Variants in ROR2 observed in about 807,000 individuals in gnomAD.
The protein encoded by ROR2 is ROR family WNT receptor 2.
In ROR2, 33 loss-of-function variants were observed where a neutral mutation model predicts 74.9. The ratio of observed to expected loss-of-function variants is 0.44; its 90% CI spans 0.33 to 0.59. The LOEUF (loss-of-function observed/expected upper bound fraction) is 0.59. Ranked by LOEUF, ROR2 falls within the 20% of genes least tolerant of loss-of-function variation. ROR2 has a pLI of 0.02. For missense variants in ROR2, 1,216 were observed against 1,313.8 expected (o/e 0.93, Z 1.15); for synonymous variants, 586 against 558.7 (o/e 1.05, Z -0.69).
chr9:91,933,169 A>T (rs566909497), intron 1 of ROR2, among the ~76,000 whole-genome samples: 1 of 152,240 alleles, frequency 6.6e-6, no homozygotes, highest in South Asian at 2.1e-4. Flanking sequence ...AAAAAAAATT[A>T]GCCGGGCATG....
intron 8 of ROR2, 93 bp downstream of exon 8, chr9:91,726,448 C>T: frequency 8.4e-7 from 1 of 1,183,574 alleles, no homozygotes; most frequent in Admixed American, 1.7e-5. Flanking sequence ...TGCTATGTAT[C>T]AAGTAAATTA....
chr9:91,835,420 G>T (rs979836190), intron 1 of ROR2, among the ~76,000 whole-genome samples: 1 of 152,066 alleles, frequency 6.6e-6, no homozygotes, highest in African/African-American at 2.4e-5. Flanking sequence ...ACTGCCCCCA[G>T]CCCTCATTCC....
At chr9:91,725,482 C>T (rs1242015136) in intron 8 of ROR2, among the ~76,000 whole-genome samples, 1 of 152,192 alleles carries the variant, frequency 6.6e-6, no homozygotes, top group African/African-American at 2.4e-5. Context: ...CGGACATACC[C>T]TGCCAGGTTC....
chr9:91,906,843 A>C (rs12685595), intron 1 of ROR2, among the ~76,000 whole-genome samples: 87,857 of 152,022 alleles, frequency 0.58, 27,994 homozygotes, highest in African/African-American at 0.86. Context: ...TAGAGCGCCT[A>C]GAACTCAGTG....
rs753250401 is a variant in ROR2, at chr9:91,722,659, T to C, written c.*1003A>G. ...TGGGATTTACAAATAGGACCAACAA[T>C]GTGTGCGGGGCACAGACGGCTGCCT... On this transcript the variant is annotated 3_prime_UTR_variant, in exon 9 of 9. Transcript: ENST00000375708. 11 of 779,046 alleles carry C rather than the reference T, an allele frequency of 1.4e-5. No individual in the cohort carries two copies. Among genetic ancestry groups the C allele is most frequent in the Non-Finnish European group, 2.6e-5 (11 of 417,750 alleles). 48.3% of individuals were successfully genotyped at this position (779,046 alleles called of 1,614,324 possible). A position where few individuals can be genotyped will look rare whatever the true frequency, so the allele number is the denominator to read the frequency against.
At chr9:91,767,231 C>G (rs1011642036) in intron 2 of ROR2, among the ~76,000 whole-genome samples, 1 of 152,066 alleles carries the variant, frequency 6.6e-6, no homozygotes, top group Non-Finnish European at 1.5e-5. Context: ...TGCACCACCA[C>G]GCCCAGCTAA....
intron 1 of ROR2, among the ~76,000 whole-genome samples, chr9:91,895,390 G>A (rs541531763): frequency 3.5e-4 from 54 of 152,216 alleles, no homozygotes; most frequent in Admixed American, 6.5e-4. Context: ...GAACCCTAAG[G>A]TAAACTATGG....
chr9:91,769,758 C>T (rs961127212), intron 2 of ROR2, among the ~76,000 whole-genome samples: 3 of 152,216 alleles, frequency 2.0e-5, no homozygotes, highest in Non-Finnish European at 4.4e-5. Context: ...GTCCCGGCCC[C>T]GCCTCCCTCC....
At chr9:91,894,861 A>G (rs1035583101) in intron 1 of ROR2, among the ~76,000 whole-genome samples, 5 of 152,204 alleles carry the variant, frequency 3.3e-5, no homozygotes, top group Non-Finnish European at 5.9e-5. Flanking sequence ...CCACTGAGGA[A>G]GACAGTTTGA....
intron 1 of ROR2, among the ~76,000 whole-genome samples, chr9:91,811,989 GGAA>G (rs1278190165): frequency 6.6e-6 from 1 of 151,682 alleles, no homozygotes; most frequent in Non-Finnish European, 1.5e-5. Context: ...GGGCCACACT[GGAA>G]GAAGAATTGT....
At chr9:91,850,344 T>A (rs753683322) in intron 1 of ROR2, among the ~76,000 whole-genome samples, 4 of 152,222 alleles carry the variant, frequency 2.6e-5, no homozygotes, top group African/African-American at 4.8e-5. Context: ...CCTGTGACCA[T>A]GTGGCCTTAC....
intron 1 of ROR2, among the ~76,000 whole-genome samples, chr9:91,944,264 C>G (rs1831953128): frequency 1.3e-5 from 2 of 152,144 alleles, no homozygotes; most frequent in Admixed American, 1.3e-4. Flanking sequence ...ATAAAAGGCA[C>G]AGTCATATAC....
Position 91,733,472 on chromosome 9 carries a change from CCA to C in ROR2, c.623-38_623-37del. 1 of 1,587,616 alleles carries C rather than the reference CCA, an allele frequency of 6.3e-7. No homozygotes were observed. Among genetic ancestry groups the C allele is most frequent in the Non-Finnish European group, 8.5e-7 (1 of 1,170,294 alleles). ...CGCGAGACTCGCGTTAGCGGGGGAC[CCA>C]CCTTGCGCCCTTGACATTCATCCAG... On this transcript the variant is annotated intron_variant, in intron 5 of 8. Transcript: ENST00000375708. This position sits in a 1 kb window ranked among gnomAD's most constrained non-coding sequence, Gnocchi z 5.7.
chr9:91,799,770 C>T (rs1827312045), intron 1 of ROR2, among the ~76,000 whole-genome samples: 1 of 152,160 alleles, frequency 6.6e-6, no homozygotes, highest in Non-Finnish European at 1.5e-5. Flanking sequence ...CTAATTTTTC[C>T]ACCTCTCACC....
At chr9:91,731,958 C>G (rs529533343) in intron 6 of ROR2, among the ~76,000 whole-genome samples, 1 of 152,120 alleles carries the variant, frequency 6.6e-6, no homozygotes, top group African/African-American at 2.4e-5. Context: ...TAAATATTGC[C>G]TCATTTGACC....
chr9:91,937,826 G>T, intron 1 of ROR2, among the ~76,000 whole-genome samples: 1 of 152,090 alleles, frequency 6.6e-6, no homozygotes, highest in Non-Finnish European at 1.5e-5. Flanking sequence ...TGATCCTCCT[G>T]TCTTAACCTC....
intron 1 of ROR2, among the ~76,000 whole-genome samples, chr9:91,928,429 C>T (rs1457253643): frequency 6.6e-6 from 1 of 152,220 alleles, no homozygotes; most frequent in Non-Finnish European, 1.5e-5. Context: ...GGATGCCACC[C>T]ACCACGGTGT....
chr9:91,861,095 G>T (rs1416626860), intron 1 of ROR2, among the ~76,000 whole-genome samples: 1 of 152,112 alleles, frequency 6.6e-6, no homozygotes, highest in Non-Finnish European at 1.5e-5. Context: ...GAACATTGTT[G>T]AAAGAAATTT....
chr9:91,863,656 A>T (rs954884236), intron 1 of ROR2, among the ~76,000 whole-genome samples: 1 of 152,242 alleles, frequency 6.6e-6, no homozygotes, highest in Non-Finnish European at 1.5e-5. Context: ...TAGAGACAAC[A>T]GACCACATAT....
Sources: gnomAD v4.1 joint callset for allele counts (sites outside exome capture counted in the v4.1 genomes callset) on GRCh38, gnomAD v4.1.1 for gene constraint, Gnocchi (gnomAD v3.1) non-coding constraint, MANE v1.5 for transcripts, NCBI Gene and HGNC (gene_info 2026-07-23, HGNC 2026-07-21) for gene names.